Variants in SLC6A20 observed in about 807,000 individuals in gnomAD.
SLC6A20 encodes the protein sodium- and chloride-dependent transporter XTRP3.
In SLC6A20, 73 loss-of-function variants were observed where a neutral mutation model predicts 64.3. The ratio of observed to expected loss-of-function variants is 1.14; its 90% CI spans 0.94 to 1.38. The LOEUF is 1.38. Ranked by LOEUF, SLC6A20 falls within the 40% of genes most tolerant of loss-of-function variation. The pLI is 0.00. For synonymous variants in SLC6A20, 347 were observed against 329.6 expected, an observed-to-expected ratio of 1.05 and a Z score of -0.57; for missense variants, 725 against 772.8, an observed-to-expected ratio of 0.94 and a Z score of 0.73.
At chr3:45,778,426 A>G (rs566649653) in intron 3 of SLC6A20, among the ~76,000 whole-genome samples, 1 of 152,360 alleles carries the variant, frequency 6.6e-6, no homozygotes, top group African/African-American at 2.4e-5. Context: ...GGAGGGCTTC[A>G]AAGTAGAGGG....
chr3:45,794,981 T>C (rs943206294), intron 1 of SLC6A20, among the ~76,000 whole-genome samples: 5 of 152,196 alleles, frequency 3.3e-5, no homozygotes, highest in Non-Finnish European at 7.4e-5. Context: ...TAACCTTTTG[T>C]TGATTTGGGG....
Position 45,770,196 on chromosome 3 carries a change from C to T in SLC6A20, c.1098+13G>A, listed in dbSNP as rs1699836358. On this transcript the variant is annotated intron_variant, in intron 7 of 10. Transcript: ENST00000358525. ...GAGAGAAGCCAGTCCTTGACCTTGC[C>T]TGGGCATCTTACCGTGTCTAGCTCC... 1.2e-6 allele frequency: 2 copies of T among 1,613,974 alleles called. No homozygotes were observed. Among genetic ancestry groups the T allele is most frequent in the African/African-American group, 1.3e-5 (1 of 74,922 alleles).
chr3:45,766,739 A>T (rs1048860192), intron 7 of SLC6A20, among the ~76,000 whole-genome samples: 1 of 152,278 alleles, frequency 6.6e-6, no homozygotes, highest in African/African-American at 2.4e-5. Flanking sequence ...GTGAGGACAC[A>T]GTGAGAAGAT....
In SLC6A20 at chr3:45,766,295, T is replaced by C. The variant is rs561575362; in HGVS notation, c.1099-554A>G. Among the ~76,000 whole-genome samples, 11 of 152,200 alleles carry C rather than the reference T, an allele frequency of 7.2e-5. No homozygotes were observed. The South Asian group carries it at 2.3e-3, about 32-fold the overall frequency. On this transcript the variant is annotated intron_variant, in intron 7 of 10. Coordinates refer to ENST00000358525, the MANE Select transcript of SLC6A20 (RefSeq NM_020208.4). The stretch of plus-strand genomic sequence containing the variant: ...AATCCCCTAAGGGGCTCAAAAGGGA[T>C]AATAGGTTGTGCGTACTCTCTGGCT...
intron 7 of SLC6A20, among the ~76,000 whole-genome samples, chr3:45,766,506 G>A (rs1463595686): frequency 2.6e-5 from 4 of 152,224 alleles, no homozygotes; most frequent in South Asian, 4.1e-4. Context: ...ATCCCTCCCC[G>A]AGGTGGCAGA....
At position 45,780,015 on chromosome 3, in the gene SLC6A20, G is replaced by A; in HGVS notation, c.348C>T (p.Ser116=). Residue 116 remains serine (S), a synonymous_variant, in exon 3 of 11, where the codon TCC becomes TCT. Coordinates refer to ENST00000358525, the MANE Select transcript of SLC6A20 (RefSeq NM_020208.4). ...CACGGGCCCCCCGGCTCACCTGGAA[G>A]GAGTGGAAGAGGTACCAGAAGGCCC... The part of the protein sequence containing the change: ...NAWAFWYLFH[S]FQDPLPWSVC... 1 of 1,601,546 alleles carries A rather than the reference G, an allele frequency of 6.2e-7. No homozygotes were observed. The highest frequency in any genetic ancestry group is 1.1e-5 in the South Asian group (1 of 88,544).
At chr3:45,761,259 G>A (rs1281237070) in intron 9 of SLC6A20, among the ~76,000 whole-genome samples, 2 of 144,520 alleles carry the variant, frequency 1.4e-5, no homozygotes, top group African/African-American at 5.4e-5. Context: ...AAGTTGGGAA[G>A]AGCTGGCTGC....
At chr3:45,760,347 G>T (rs1436079750) in intron 9 of SLC6A20, among the ~76,000 whole-genome samples, 1 of 152,234 alleles carries the variant, frequency 6.6e-6, no homozygotes, top group Non-Finnish European at 1.5e-5. Flanking sequence ...GGTGGGCACA[G>T]GCAGCAGGGG....
intron 1 of SLC6A20, among the ~76,000 whole-genome samples, chr3:45,789,318 C>T (rs762321811): frequency 2.6e-5 from 4 of 152,012 alleles, no homozygotes; most frequent in Non-Finnish European, 4.4e-5. Flanking sequence ...AAAACAAAAT[C>T]CAACAATAAT....
intron 4 of SLC6A20, 104 bp downstream of exon 4, chr3:45,775,657 G>T: frequency 2.7e-6 from 3 of 1,097,600 alleles, no homozygotes; most frequent in South Asian, 1.5e-5. Flanking sequence ...CACTGCAGAG[G>T]GCACTCCCTT....
At chr3:45,763,122 T>G in intron 8 of SLC6A20, 50 bp from the exon 9 acceptor site, 1 of 1,608,438 alleles carries the variant, frequency 6.2e-7, no homozygotes, top group Non-Finnish European at 8.5e-7. Flanking sequence ...CCCCCACTAC[T>G]GCTTACCAGT....
intron 1 of SLC6A20, among the ~76,000 whole-genome samples, chr3:45,784,261 A>T (rs773239029): frequency 1.3e-5 from 2 of 152,284 alleles, no homozygotes; most frequent in South Asian, 2.1e-4. Context: ...TCTGCAATAA[A>T]TTTTTCAAGA....
At chr3:45,773,793 G>A (rs1240253066) in intron 4 of SLC6A20, among the ~76,000 whole-genome samples, 2 of 152,182 alleles carry the variant, frequency 1.3e-5, no homozygotes, top group African/African-American at 4.8e-5. Flanking sequence ...GACGGCAGGT[G>A]GAATGTGGGG....
intron 9 of SLC6A20, among the ~76,000 whole-genome samples, chr3:45,762,010 G>C (rs190858691): frequency 2.0e-5 from 3 of 152,286 alleles, no homozygotes; most frequent in Non-Finnish European, 4.4e-5. Flanking sequence ...AAAAGACTGG[G>C]GAAGAGGGCA....
intron 8 of SLC6A20, among the ~76,000 whole-genome samples, chr3:45,764,146 G>A (rs1418597973): frequency 6.6e-6 from 1 of 152,184 alleles, no homozygotes; most frequent in Non-Finnish European, 1.5e-5. Context: ...CTGCCTGATT[G>A]GAGTGGAGCA....
intron 2 of SLC6A20, among the ~76,000 whole-genome samples, chr3:45,781,664 C>A (rs903294430): frequency 6.6e-6 from 1 of 152,198 alleles, no homozygotes; most frequent in Non-Finnish European, 1.5e-5. Context: ...TGAGCTCATG[C>A]ACATATATCC....
Position 45,765,477 on chromosome 3 carries a change from T to A in SLC6A20, c.1303+60A>T. On this transcript the variant is annotated intron_variant, in intron 8 of 10. Transcript: ENST00000358525. This position sits in a 1 kb window ranked among gnomAD's most constrained non-coding sequence, Gnocchi z 4.2. ...TGACCCCTGAGGGAGCTCTCCCCTG[T>A]TCACCCCCACGCCTTGGCCCTCCTG... 6.4e-7 allele frequency: 1 copy of A among 1,551,978 alleles called. No individual in the cohort carries two copies. The highest frequency in any genetic ancestry group is 8.7e-7 in the Non-Finnish European group (1 of 1,146,490).
intron 5 of SLC6A20, 21 bp downstream of exon 5, chr3:45,772,484 C>T (rs1258839134): frequency 1.2e-6 from 2 of 1,600,418 alleles, no homozygotes; most frequent in Non-Finnish European, 8.5e-7. Flanking sequence ...GCCCGTAGGG[C>T]CCTTCCGCTT....
intron 1 of SLC6A20, among the ~76,000 whole-genome samples, chr3:45,793,092 G>A (rs1447528449): frequency 6.6e-6 from 1 of 152,216 alleles, no homozygotes; most frequent in African/African-American, 2.4e-5. Context: ...TAAGCAATTT[G>A]GGGTAAGCAG....
Sources: allele counts gnomAD v4.1 joint callset (sites outside exome capture counted in the v4.1 genomes callset), GRCh38; gene constraint gnomAD v4.1.1; non-coding constraint Gnocchi (gnomAD v3.1); transcripts MANE v1.5; gene names NCBI Gene and HGNC (gene_info 2026-07-23, HGNC 2026-07-21).